The following MZT2B variants were observed in gnomAD, a reference collection of about 807,000 sequenced individuals.
MZT2B encodes the protein mitotic-spindle organizing protein 2B.
Under a neutral mutation model 12.1 loss-of-function variants are expected in MZT2B, and 11 were observed. That is an observed-to-expected ratio of 0.91 (90% confidence interval 0.57 to 1.50). The LOEUF (loss-of-function observed/expected upper bound fraction) is 1.50, where lower values mean the gene tolerates loss of function less well. MZT2B is among the 40% of genes most tolerant of loss of function. The probability of loss-of-function intolerance (pLI) is 0.00; values close to 1 mark genes in which losing one functional copy is unlikely to be tolerated. For synonymous variants in MZT2B, 85 were observed against 109.5 expected (o/e 0.78, Z 1.40); for missense variants, 209 against 227.7 (o/e 0.92, Z 0.53).
intron 2 of MZT2B, among the ~76,000 whole-genome samples, chr2:130,186,632 T>C (rs943758575): frequency 6.6e-6 from 1 of 152,042 alleles, no homozygotes; most frequent in African/African-American, 2.4e-5. Context: ...AAATGACCGG[T>C]ACAAAAGGGA....
At chr2:130,185,092 G>C (rs1295304733) in intron 2 of MZT2B, among the ~76,000 whole-genome samples, 1 of 152,084 alleles carries the variant, frequency 6.6e-6, no homozygotes. Context: ...GGCGGATCTC[G>C]AGGTCAGGAG....
downstream of MZT2B, chr2:130,191,907 G>T (rs769423615): frequency 5.0e-6 from 8 of 1,613,942 alleles, no homozygotes; most frequent in African/African-American, 4.0e-5. Context: ...CTCTAGAGCT[G>T]CCAGGTCCTC....
chr2:130,191,127 T>C (rs1437179007), downstream of MZT2B, among the ~76,000 whole-genome samples: 1 of 151,922 alleles, frequency 6.6e-6, no homozygotes. Flanking sequence ...TTTTGTTGTA[T>C]TTTTAGTAGA....
At chr2:130,193,935 C>A, downstream of MZT2B, 1 of 1,614,236 alleles carries the variant, frequency 6.2e-7, no homozygotes, top group Non-Finnish European at 8.5e-7. Context: ...TCACACTTGA[C>A]CATCTGATTG....
chr2:130,201,992 T>G, the MZT2B span, among the ~76,000 whole-genome samples: 1 of 152,252 alleles, frequency 6.6e-6, no homozygotes, highest in African/African-American at 2.4e-5. Context: ...GACTGCAATA[T>G]TTATTTTTCT....
downstream of MZT2B, chr2:130,194,151 T>A: frequency 6.2e-7 from 1 of 1,613,922 alleles, no homozygotes; most frequent in South Asian, 1.1e-5. Context: ...ATCTGCCCAA[T>A]CAGGCGATTG....
downstream of MZT2B, among the ~76,000 whole-genome samples, chr2:130,191,502 T>C (rs1307795383): frequency 6.6e-6 from 1 of 152,192 alleles, no homozygotes; most frequent in Non-Finnish European, 1.5e-5. Flanking sequence ...AAATCACAAA[T>C]TCAGTTGAAA....
downstream of MZT2B, chr2:130,195,165 C>G: frequency 6.2e-7 from 1 of 1,613,958 alleles, no homozygotes; most frequent in Non-Finnish European, 8.5e-7. Flanking sequence ...GCTGCATCTT[C>G]CTTCCCGGTG....
At chr2:130,194,452 T>C (rs1186069419), downstream of MZT2B, 1 of 1,567,494 alleles carries the variant, frequency 6.4e-7, no homozygotes. Flanking sequence ...CCTGCAGTCC[T>C]GTGCACAGAT....
At chr2:130,198,100 G>C in the MZT2B span, among the ~76,000 whole-genome samples, 3,106 of 122,796 alleles carry the variant, frequency 0.025, 792 homozygotes, top group African/African-American at 0.083. Context: ...GCCACTATTT[G>C]CTCTCTGGGG....
the MZT2B span, among the ~76,000 whole-genome samples, chr2:130,196,971 G>A: frequency 1.0e-3 from 158 of 152,310 alleles, 1 homozygote; most frequent in South Asian, 0.013. Context: ...GGGGCTGGAG[G>A]AAAGCAGTGC....
Position 130,190,499 on chromosome 2 carries a change from G to A in MZT2B, c.350G>A (p.Gly117Glu). ...GRNKGSAALG[G>E]ALALAERSSR... The stretch of plus-strand genomic sequence containing the variant: ...AACAAAGGCAGCGCTGCCCTCGGGG[G>A]AGCATTGGCCCTGGCGGAACGCAGC... Residue 117 changes from glycine (G) to glutamate (E), a missense_variant, in exon 3 of 3, where the codon GGA becomes GAA. Coordinates refer to ENST00000281871, the MANE Select transcript of MZT2B (RefSeq NM_025029.5). 1 of 1,613,792 alleles carries A rather than the reference G, an allele frequency of 6.2e-7. No homozygotes were observed. Among genetic ancestry groups the A allele is most frequent in the Non-Finnish European group, 8.5e-7 (1 of 1,179,926 alleles).
chr2:130,195,534 T>C (rs1215288543), downstream of MZT2B, among the ~76,000 whole-genome samples: 2 of 152,260 alleles, frequency 1.3e-5, no homozygotes, highest in Admixed American at 6.5e-5. Flanking sequence ...TACGTGTAGC[T>C]ACATCAAAGG....
upstream of MZT2B, chr2:130,182,132 G>C: frequency 7.9e-7 from 1 of 1,263,536 alleles, no homozygotes; most frequent in Middle Eastern, 3.2e-4. Flanking sequence ...GGGCTTCAAT[G>C]ACGCCGCGGA....
chr2:130,185,939 C>T (rs1690043754), intron 2 of MZT2B, among the ~76,000 whole-genome samples: 1 of 151,952 alleles, frequency 6.6e-6, no homozygotes, highest in Non-Finnish European at 1.5e-5. Flanking sequence ...CACCGAGGCC[C>T]TGTGGAGATA....
chr2:130,203,730 T>A, the MZT2B span, among the ~76,000 whole-genome samples: 1 of 152,348 alleles, frequency 6.6e-6, no homozygotes, highest in South Asian at 2.1e-4. Context: ...ATGACAGGCT[T>A]GAGTGCCTGG....
upstream of MZT2B, chr2:130,181,988 C>T: frequency 1.4e-6 from 2 of 1,381,760 alleles, no homozygotes; most frequent in Non-Finnish European, 9.5e-7. Flanking sequence ...CTGGGTGCTG[C>T]CACCTAAGCG....
chr2:130,198,585 A>C, the MZT2B span: 2 of 501,008 alleles, frequency 4.0e-6, no homozygotes, highest in Non-Finnish European at 6.5e-6. Flanking sequence ...CTCTGATTGG[A>C]TGCAGGATTG....
rs1204537929 is a variant in MZT2B, at chr2:130,182,396, G to T, written c.114G>T (p.Met38Ile). 2 of 1,562,648 alleles carry T rather than the reference G, an allele frequency of 1.3e-6. No homozygotes were observed. The highest frequency in any genetic ancestry group is 1.4e-5 in the African/African-American group (1 of 73,652). ...AGAAGGTGCTGAGCACCGAGGAGATGGAGCTGTACGAGCTGGCGCAGGCGG... is the reference window on the plus strand; with the variant it reads ...AGAAGGTGCTGAGCACCGAGGAGATTGAGCTGTACGAGCTGGCGCAGGCGG... ...RRKKVLSTEE[M>I]ELYELAQAAG... The change falls in exon 1 of 3, where the codon ATG (methionine) becomes ATT (isoleucine). Residue 38 changes from methionine (M) to isoleucine (I), a missense_variant. By Grantham distance (10) the Met-to-Ile change is conservative (BLOSUM62 1). Coordinates refer to ENST00000281871, the MANE Select transcript of MZT2B (RefSeq NM_025029.5).
Sources: gnomAD v4.1 joint callset for allele counts (sites outside exome capture counted in the v4.1 genomes callset) on GRCh38, gnomAD v4.1.1 for gene constraint, MANE v1.5 for transcripts, NCBI Gene and HGNC (gene_info 2026-07-23, HGNC 2026-07-21) for gene names.